Variants in UTP18 observed in about 807,000 individuals in gnomAD.
UTP18 encodes the protein UTP18 small subunit processome component.
A neutral mutation model predicts 61.1 loss-of-function variants in UTP18; 36 were observed. The ratio of observed to expected loss-of-function variants is 0.59; its 90% CI spans 0.45 to 0.78. The LOEUF (loss-of-function observed/expected upper bound fraction) is 0.78, where lower values mean the gene tolerates loss of function less well. UTP18 is among the 30% of genes least tolerant of loss of function. The pLI, the probability that UTP18 is intolerant of heterozygous loss-of-function variation, is 0.00. For synonymous variants in UTP18, 282 were observed against 251.1 expected (o/e 1.12, Z -1.16); for missense variants, 753 against 693.9 (o/e 1.09, Z -0.96).
chr17:51,277,746 G>A (rs895251016), intron 7 of UTP18, among the ~76,000 whole-genome samples: 1 of 152,198 alleles, frequency 6.6e-6, no homozygotes, highest in Admixed American at 6.5e-5. Context: ...ATAAAGCACT[G>A]CTTTTGGAGG....
chr17:51,268,696 T>C (rs1904395596), intron 3 of UTP18, 141 bp from the exon 4 acceptor site: 1 of 670,940 alleles, frequency 1.5e-6, no homozygotes, highest in Non-Finnish European at 2.5e-6. Flanking sequence ...TAATAACTTC[T>C]GTTCTTAAAG....
rs768478006 is a variant in UTP18 at position 51,276,002 on chromosome 17, T to C, written c.837+11T>C. The C allele has an allele frequency of 3.0e-5, 48 of 1,586,950 alleles. No homozygotes were observed. Among genetic ancestry groups the C allele is most frequent in the Non-Finnish European group, 4.0e-5 (47 of 1,171,692 alleles). On this transcript the variant is annotated intron_variant, in intron 6 of 13. Coordinates refer to ENST00000225298, the MANE Select transcript of UTP18 (RefSeq NM_016001.3). ...GTATCACTATTTCAGGTATGCATCTTTATTTACTTATTTATTTCTAATGCA... is the reference window on the plus strand; with the variant it reads ...GTATCACTATTTCAGGTATGCATCTCTATTTACTTATTTATTTCTAATGCA...
chr17:51,297,580 G>T (rs950056909), intron 13 of UTP18, among the ~76,000 whole-genome samples: 1 of 152,202 alleles, frequency 6.6e-6, no homozygotes, highest in Non-Finnish European at 1.5e-5. Flanking sequence ...AGAGATTAAT[G>T]AATGTTGAGG....
intron 12 of UTP18, among the ~76,000 whole-genome samples, chr17:51,294,638 T>C (rs1224579202): frequency 2.0e-5 from 3 of 152,200 alleles, no homozygotes; most frequent in Non-Finnish European, 4.4e-5. Flanking sequence ...TTTTCTATTG[T>C]GAATAGTGCC....
chr17:51,294,025 G>T lies in UTP18; in HGVS notation c.1626G>T (p.Lys542Asn). The change falls in exon 12 of 14, where the codon AAG becomes AAT. Residue 542 changes from lysine (K) to asparagine (N), a missense_variant. Lys to Asn is a moderately conservative substitution (Grantham distance 94). Transcript: ENST00000225298. ...GATACTTTGCCTTGGGGAATGAAAA[G>T]GGCAAGGCCCTGATGTATAGGTAGG... The part of the protein sequence containing the change: ...RSGYFALGNE[K>N]GKALMYRLHH... 2 of 1,608,170 alleles carry T rather than the reference G, an allele frequency of 1.2e-6. No individual in the cohort carries two copies. The highest frequency in any genetic ancestry group is 2.7e-5 in the African/African-American group (2 of 74,718).
chr17:51,272,697 T>C (rs779805164), intron 4 of UTP18, among the ~76,000 whole-genome samples: 8 of 152,258 alleles, frequency 5.3e-5, no homozygotes, highest in Non-Finnish European at 8.8e-5. Context: ...GATTTTCTTA[T>C]AATTCTTTGA....
chr17:51,266,466 T>C (rs2055562475), intron 3 of UTP18, among the ~76,000 whole-genome samples, 186 bp downstream of exon 3: 1 of 152,136 alleles, frequency 6.6e-6, no homozygotes, highest in Non-Finnish European at 1.5e-5. Flanking sequence ...CAAAGAAAAT[T>C]TGGAAAAAAA....
Position 51,297,777 on chromosome 17 carries a change from C to A in UTP18, c.*15-5C>A. On this transcript the variant is annotated splice_polypyrimidine_tract_variant and splice_region_variant and intron_variant, in intron 13 of 13. Transcript: ENST00000225298. Reference sequence around the variant, plus strand: ...GGTATGTAATTTCTTTTGTTCTTTCCTCAGGTCCAGTTGAGTCACAAGAGA... The same window carrying A: ...GGTATGTAATTTCTTTTGTTCTTTCATCAGGTCCAGTTGAGTCACAAGAGA... The A allele has an allele frequency of 2.3e-6, 1 of 428,448 alleles. No individual in the cohort carries two copies. Among genetic ancestry groups the A allele is most frequent in the South Asian group, 1.7e-5 (1 of 58,692 alleles). The allele number at this position is 428,448 out of a possible 1,614,324, so 26.5% of individuals were successfully genotyped here.
intron 11 of UTP18, among the ~76,000 whole-genome samples, chr17:51,290,525 G>T (rs371019293): frequency 6.6e-6 from 1 of 152,168 alleles, no homozygotes; most frequent in Admixed American, 6.5e-5. Context: ...AAATGAGAAG[G>T]TTCTAATTCA....
Position 51,280,380 on chromosome 17 carries a change from T to C in UTP18, c.1114-9T>C, listed in dbSNP as rs749853919. ...CTAACAGTTTGATAAATAATATTTA[T>C]TGTTTTAGACCAAAGAACTGATTGG... is the stretch of plus-strand genomic sequence containing the variant. On this transcript the variant is annotated splice_polypyrimidine_tract_variant and intron_variant, in intron 8 of 13. Transcript: ENST00000225298. 6 of 1,612,762 alleles carry C rather than the reference T, an allele frequency of 3.7e-6. No individual in the cohort carries two copies. The East Asian group carries it at 1.1e-4, about 30-fold the overall frequency.
intron 4 of UTP18, among the ~76,000 whole-genome samples, chr17:51,272,619 G>A (rs1904566812): frequency 6.6e-6 from 1 of 152,164 alleles, no homozygotes; most frequent in Non-Finnish European, 1.5e-5. Flanking sequence ...GCTTGGCAGA[G>A]GACACTAGTA....
At chr17:51,274,986 T>G (rs935821612) in intron 5 of UTP18, among the ~76,000 whole-genome samples, 2 of 151,152 alleles carry the variant, frequency 1.3e-5, no homozygotes, top group African/African-American at 4.8e-5. Context: ...TCACCTGAGG[T>G]TGGGAGTTTG....
At chr17:51,269,006 G>A in intron 4 of UTP18, 102 bp downstream of exon 4, 1 of 1,216,352 alleles carries the variant, frequency 8.2e-7, no homozygotes, top group African/African-American at 1.5e-5. Flanking sequence ...GGCATTTCTT[G>A]CCTGGCTCGG....
chr17:51,286,474 T>C (rs1905119694), intron 10 of UTP18: 1 of 456,174 alleles, frequency 2.2e-6, no homozygotes, highest in Non-Finnish European at 4.4e-6. Flanking sequence ...GTTCACTCTC[T>C]CCTTCCAGGT....
intron 11 of UTP18, among the ~76,000 whole-genome samples, chr17:51,291,796 G>C (rs1244194828): frequency 6.6e-6 from 1 of 151,938 alleles, no homozygotes; most frequent in Admixed American, 6.6e-5. Flanking sequence ...GTTGGTTCTA[G>C]TGTATTTTGA....
intron 4 of UTP18, among the ~76,000 whole-genome samples, chr17:51,271,341 C>CT (rs374030427): frequency 6.6e-6 from 1 of 152,006 alleles, no homozygotes; most frequent in African/African-American, 2.4e-5. Flanking sequence ...GGGTCTCACT[C>CT]TATCGCCCAG....
chr17:51,287,412 G>A (rs1177184634), intron 10 of UTP18, among the ~76,000 whole-genome samples: 2 of 152,206 alleles, frequency 1.3e-5, no homozygotes, highest in Non-Finnish European at 2.9e-5. Context: ...CACCAGGACA[G>A]TAGGAATGGC....
chr17:51,296,434 C>T (rs1439998420), intron 12 of UTP18: 1 of 152,252 alleles, frequency 6.6e-6, no homozygotes, highest in Non-Finnish European at 1.5e-5. Context: ...GTTCTACTTA[C>T]TTTGAAAGGA....
Position 51,268,843 on chromosome 17 carries a change from A to C in UTP18, c.561A>C (p.Gln187His), listed in dbSNP as rs764793948. 9.9e-6 allele frequency: 16 copies of C among 1,613,752 alleles called. No homozygotes were observed. The highest frequency in any genetic ancestry group is 1.7e-5 in the Admixed American group (1 of 60,002). ...NLKKRLKEEF[Q>H]HAMGGVPAWA... ...TTCAAATATTTTTGCTTAGATTCCAACATGCCATGGGAGGAGTACCTGCCT... is the reference window on the plus strand; with the variant it reads ...TTCAAATATTTTTGCTTAGATTCCACCATGCCATGGGAGGAGTACCTGCCT... Residue 187 changes from glutamine to histidine, a missense_variant, in exon 4 of 14, where the codon CAA (glutamine) becomes CAC (histidine). Coordinates refer to ENST00000225298, the MANE Select transcript of UTP18 (RefSeq NM_016001.3).
Sources: gnomAD v4.1 joint callset for allele counts (sites outside exome capture counted in the v4.1 genomes callset) on GRCh38, gnomAD v4.1.1 for gene constraint, MANE v1.5 for transcripts, NCBI Gene and HGNC (gene_info 2026-07-23, HGNC 2026-07-21) for gene names.